Variants in ARMC9 observed in about 807,000 individuals in gnomAD.
ARMC9 encodes lisH domain-containing protein ARMC9.
A neutral mutation model predicts 107.0 loss-of-function variants in ARMC9; 94 were observed. The ratio of observed to expected loss-of-function variants is 0.88; its 90% CI spans 0.74 to 1.04. The LOEUF (loss-of-function observed/expected upper bound fraction) is 1.04, where lower values mean the gene tolerates loss of function less well. Among genes scored for constraint, ARMC9 ranks in the 50% least tolerant of loss-of-function variants. The pLI, the probability that ARMC9 is intolerant of heterozygous loss-of-function variation, is 0.00. For missense variants in ARMC9, 942 were observed against 1,030.1 expected, an observed-to-expected ratio of 0.91 and a Z score of 1.17; for synonymous variants, 380 against 396.9, an observed-to-expected ratio of 0.96 and a Z score of 0.51.
intron 14 of ARMC9, among the ~76,000 whole-genome samples, chr2:231,273,509 C>G (rs2039509322): frequency 6.6e-6 from 1 of 152,112 alleles, no homozygotes; most frequent in Non-Finnish European, 1.5e-5. Context: ...CTGACCTTGT[C>G]CATGATCCCA....
chr2:231,286,652 G>A (rs1436704132), intron 17 of ARMC9, among the ~76,000 whole-genome samples: 1 of 152,068 alleles, frequency 6.6e-6, no homozygotes, highest in Non-Finnish European at 1.5e-5. Context: ...TGATTCTTTT[G>A]CTCAAAATAT....
Position 231,331,810 on chromosome 2 carries a change from G to A in ARMC9, c.1791G>A (p.Met597Ile). The change falls in exon 20 of 25, where the codon ATG becomes ATA. Residue 597 changes from methionine to isoleucine, a missense_variant. By Grantham distance (10) the Met-to-Ile change is conservative. Coordinates refer to ENST00000611582, the MANE Select transcript of ARMC9 (RefSeq NM_001352754.2). ...TGAAACAGGAGGACCATGACATCAT[G>A]GAAGCCGATCTGGACAAAGACGAAC... is the stretch of plus-strand genomic sequence containing the variant. Reference protein sequence around the residue: ...DEDDEEDHDIMEADLDKDELI... With the variant: ...DEDDEEDHDIIEADLDKDELI... 1 of 1,613,982 alleles carries A rather than the reference G, an allele frequency of 6.2e-7. No individual in the cohort carries two copies. The highest frequency in any genetic ancestry group is 8.5e-7 in the Non-Finnish European group (1 of 1,179,910).
At chr2:231,369,456 G>A (rs554678399) in intron 23 of ARMC9, among the ~76,000 whole-genome samples, 2 of 151,782 alleles carry the variant, frequency 1.3e-5, no homozygotes, top group African/African-American at 4.8e-5. Flanking sequence ...CCATGCCTGG[G>A]TAATTTTTGT....
chr2:231,238,354 T>G lies in ARMC9; in HGVS notation c.781-1589T>G, dbSNP rs2035966809. ...ATACAAGATGAAAAAGGTATGTTTT[T>G]TTGTTCGTTTGTTTGAGACAGGGTC... is the stretch of plus-strand genomic sequence containing the variant. On this transcript the variant is annotated intron_variant, in intron 8 of 24. Coordinates refer to ENST00000611582, the MANE Select transcript of ARMC9 (RefSeq NM_001352754.2). 2.0e-5 allele frequency among the ~76,000 whole-genome samples: 3 copies of G among 150,568 alleles called. No individual in the cohort carries two copies. In the South Asian group the frequency reaches 6.2e-4, roughly 31 times the overall value.
Position 231,296,260 on chromosome 2 carries a change from T to C in ARMC9, c.1773+7T>C, listed in dbSNP as rs377664165. On this transcript the variant is annotated splice_region_variant and intron_variant, in intron 19 of 24. Coordinates refer to ENST00000611582, the MANE Select transcript of ARMC9 (RefSeq NM_001352754.2). The stretch of plus-strand genomic sequence containing the variant: ...TGAAGATGAAGATGATGAAGTAAGT[T>C]GGAGGTTCTTGACACCACATAGAAA... 3.7e-6 allele frequency: 6 copies of C among 1,611,510 alleles called. No individual in the cohort carries two copies. In the African/African-American group the frequency reaches 6.7e-5, roughly 18 times the overall value.
intron 9 of ARMC9, among the ~76,000 whole-genome samples, chr2:231,242,847 G>A (rs898039215): frequency 7.9e-5 from 12 of 152,070 alleles, no homozygotes; most frequent in Non-Finnish European, 1.3e-4. Context: ...GCATGGTGGC[G>A]CACACCTGTA....
chr2:231,221,917 G>A (rs370462386), intron 5 of ARMC9, among the ~76,000 whole-genome samples: 1 of 151,798 alleles, frequency 6.6e-6, no homozygotes, highest in Non-Finnish European at 1.5e-5. Context: ...ATGATTGGGT[G>A]GGGGTGGGAG....
At chr2:231,330,975 T>A (rs1374828302) in intron 19 of ARMC9, among the ~76,000 whole-genome samples, 3 of 151,890 alleles carry the variant, frequency 2.0e-5, no homozygotes, top group African/African-American at 7.3e-5. Flanking sequence ...ACCTCGTCTA[T>A]ACAAAAAAAT....
At chr2:231,272,187 GTTTTTTTTT>G (rs56201225) in intron 13 of ARMC9, among the ~76,000 whole-genome samples, 1 of 99,726 alleles carries the variant, frequency 1.0e-5, no homozygotes, top group East Asian at 3.4e-4. Flanking sequence ...TGTGTGTTTG[GTTTTTTTTT>G]TTTTTTTTTT....
intron 22 of ARMC9, among the ~76,000 whole-genome samples, chr2:231,356,238 T>A (rs2045340175): frequency 6.6e-6 from 1 of 152,122 alleles, no homozygotes; most frequent in African/African-American, 2.4e-5. Flanking sequence ...GCCGGGCTGA[T>A]GTTGATCTGT....
At chr2:231,354,741 T>G (rs2045265491) in intron 21 of ARMC9, among the ~76,000 whole-genome samples, 1 of 152,202 alleles carries the variant, frequency 6.6e-6, no homozygotes, top group African/African-American at 2.4e-5. Flanking sequence ...TAGGCAGGCA[T>G]GAGCTTGTCG....
At chr2:231,324,675 C>T (rs561491181) in intron 19 of ARMC9, among the ~76,000 whole-genome samples, 11 of 151,644 alleles carry the variant, frequency 7.3e-5, no homozygotes, top group East Asian at 4.0e-4. Flanking sequence ...ACCGAGGAGG[C>T]GGAGGTTGTG....
intron 7 of ARMC9, among the ~76,000 whole-genome samples, chr2:231,228,080 C>G (rs565899221): frequency 6.6e-6 from 1 of 152,324 alleles, no homozygotes; most frequent in South Asian, 2.1e-4. Flanking sequence ...GGCCCGCTCT[C>G]TCAGTGCTAG....
intron 9 of ARMC9, chr2:231,256,161 G>T: frequency 6.5e-7 from 1 of 1,529,656 alleles, no homozygotes; most frequent in South Asian, 1.2e-5. Flanking sequence ...GGCAGGACCG[G>T]CTCTCAGGGA....
chr2:231,256,205 G>A (rs1181551923), intron 9 of ARMC9: 12 of 1,531,074 alleles, frequency 7.8e-6, no homozygotes, highest in African/African-American at 6.9e-5. Context: ...ATTCATGGAC[G>A]ACACGAGCCG....
At chr2:231,371,064 C>T (rs1263327489) in intron 24 of ARMC9, 2 of 458,948 alleles carry the variant, frequency 4.4e-6, no homozygotes, top group Non-Finnish European at 8.7e-6. Context: ...AAACCCCAGC[C>T]CAGCCAGTCG....
rs1353083790 is a variant in ARMC9, at chr2:231,208,131, T to C, written c.56T>C (p.Leu19Ser). The C allele has an allele frequency of 7.4e-7, 1 of 1,353,638 alleles. No individual in the cohort carries two copies. The highest frequency in any genetic ancestry group is 1.5e-5 in the African/African-American group (1 of 68,084). 83.9% of individuals were successfully genotyped at this position (1,353,638 alleles called of 1,614,324 possible). Reference protein sequence around the residue: ...SELLGLVKEYLDFAEFEDTLK... With the variant: ...SELLGLVKEYSDFAEFEDTLK... ...TGAATTATTTATTTTTTATAGTATT[T>C]AGATTTTGCTGAATTTGAAGACACC... The change falls in exon 3 of 25, where the codon TTA (leucine) becomes TCA (serine). Residue 19 changes from leucine to serine, a missense_variant. By Grantham distance (145) the Leu-to-Ser change is moderately radical. Coordinates refer to ENST00000611582, the MANE Select transcript of ARMC9 (RefSeq NM_001352754.2).
intron 6 of ARMC9, among the ~76,000 whole-genome samples, 167 bp downstream of exon 6, chr2:231,222,987 A>T (rs2034301071): frequency 1.3e-5 from 2 of 152,234 alleles, no homozygotes; most frequent in African/African-American, 4.8e-5. Flanking sequence ...GGGCCTATAG[A>T]GATCAACTTC....
rs142864008 is a variant in ARMC9, at chr2:231,302,547, A to G, written c.1773+6294A>G. Among the ~76,000 whole-genome samples, 777 of 150,118 alleles carry G rather than the reference A, an allele frequency of 5.2e-3. 8 individuals carry two copies. The highest frequency in any genetic ancestry group is 0.018 in the African/African-American group (736 of 40,790). On this transcript the variant is annotated intron_variant, in intron 19 of 24. Transcript: ENST00000611582. ...TCATATGTTGTTTTGATTGAAGGACATAAAGAAAATCTAGCCTCACACACC... is the reference window on the plus strand; with the variant it reads ...TCATATGTTGTTTTGATTGAAGGACGTAAAGAAAATCTAGCCTCACACACC...
Sources: gnomAD v4.1 joint callset for allele counts (sites outside exome capture counted in the v4.1 genomes callset) on GRCh38, gnomAD v4.1.1 for gene constraint, MANE v1.5 for transcripts, NCBI Gene and HGNC (gene_info 2026-07-23, HGNC 2026-07-21) for gene names.